FAM184B: variants seen among roughly 807,000 people sequenced by gnomAD.
FAM184B encodes protein FAM184B.
Under a neutral mutation model 135.9 loss-of-function variants are expected in FAM184B, and 111 were observed. The ratio of observed to expected loss-of-function variants is 0.82; its 90% confidence interval spans 0.70 to 0.96. The LOEUF (loss-of-function observed/expected upper bound fraction) is 0.96. Ranked by LOEUF, FAM184B falls within the 40% of genes least tolerant of loss-of-function variation. FAM184B has a pLI of 0.00. For synonymous variants in FAM184B, 552 were observed against 524.8 expected (o/e 1.05, Z -0.71); for missense variants, 1,375 against 1,323.9 (o/e 1.04, Z -0.60).
chr4:17,762,120 G>A lies in FAM184B; in HGVS notation c.141+19039C>T, dbSNP rs114961313. Among the ~76,000 whole-genome samples, 450 of 152,210 alleles carry A rather than the reference G, an allele frequency of 3.0e-3. 3 individuals are homozygous for A. The highest frequency in any genetic ancestry group is 0.01 in the African/African-American group (430 of 41,516). On this transcript the variant is annotated intron_variant, in intron 1 of 17. Coordinates refer to ENST00000265018, the MANE Select transcript of FAM184B (RefSeq NM_015688.2). ...GAGACCTCTTTCCATAAGAATCTTG[G>A]ACAGTGTCCTCCATACCGATGAATG...
intron 9 of FAM184B, 48 bp downstream of exon 9, chr4:17,659,910 G>C: frequency 2.6e-6 from 4 of 1,541,794 alleles, no homozygotes; most frequent in Non-Finnish European, 3.5e-6. Context: ...TAAAAAGGAG[G>C]GGGCAGGATC....
intron 8 of FAM184B, among the ~76,000 whole-genome samples, chr4:17,660,787 C>A (rs988852077): frequency 6.6e-6 from 1 of 151,918 alleles, no homozygotes; most frequent in Non-Finnish European, 1.5e-5. Context: ...TGTTTGACAG[C>A]GTGAAAGGAT....
chr4:17,636,488 C>A (rs751630669), intron 15 of FAM184B, 40 bp downstream of exon 15: 2 of 1,497,852 alleles, frequency 1.3e-6, no homozygotes, highest in African/African-American at 1.4e-5. Context: ...CCGCAGTGCC[C>A]GGCCAGGTGC....
In FAM184B at chr4:17,759,894, C is replaced by T. The variant is rs182104206; in HGVS notation, c.141+21265G>A. On this transcript the variant is annotated intron_variant, in intron 1 of 17. Coordinates refer to ENST00000265018, the MANE Select transcript of FAM184B (RefSeq NM_015688.2). ...CTATGTCATTTACTTCCCATATCTA[C>T]AGGCCAAGGTGGGTACCGGTTTCAA... is the stretch of plus-strand genomic sequence containing the variant. Among the ~76,000 whole-genome samples, 211 of 152,270 alleles carry T rather than the reference C, an allele frequency of 1.4e-3. 1 individual carries two copies. The highest frequency in any genetic ancestry group is 4.7e-3 in the African/African-American group (197 of 41,552).
chr4:17,676,690 T>A (rs988888308), intron 7 of FAM184B, among the ~76,000 whole-genome samples: 1 of 152,238 alleles, frequency 6.6e-6, no homozygotes, highest in African/African-American at 2.4e-5. Context: ...GAAAAATTCC[T>A]ATTGCCTAAT....
At chr4:17,636,294 C>G (rs1378955170) in intron 15 of FAM184B, among the ~76,000 whole-genome samples, 1 of 152,144 alleles carries the variant, frequency 6.6e-6, no homozygotes, top group Non-Finnish European at 1.5e-5. Context: ...TTAGTAGAGA[C>G]AGGGTTTCAA....
At chr4:17,633,407 C>A (rs1337147441) in intron 17 of FAM184B, 2 of 277,072 alleles carry the variant, frequency 7.2e-6, no homozygotes, top group Non-Finnish European at 1.3e-5. Context: ...ATTTTAAAGG[C>A]AAGGTATATG....
intron 3 of FAM184B, among the ~76,000 whole-genome samples, chr4:17,706,847 C>T (rs1165573145): frequency 6.6e-6 from 1 of 151,180 alleles, no homozygotes; most frequent in Non-Finnish European, 1.5e-5. Flanking sequence ...GTGCAATGGC[C>T]CAGTCTTGGC....
At chr4:17,748,721 T>C (rs1718232189) in intron 1 of FAM184B, among the ~76,000 whole-genome samples, 1 of 152,034 alleles carries the variant, frequency 6.6e-6, no homozygotes, top group Non-Finnish European at 1.5e-5. Flanking sequence ...CTTATTATAT[T>C]GCCCAGGCTT....
chr4:17,639,261 G>A lies in FAM184B; in HGVS notation c.2655C>T (p.Ala885=). 2 of 1,551,674 alleles carry A rather than the reference G, an allele frequency of 1.3e-6. No individual in the cohort carries two copies. The highest frequency in any genetic ancestry group is 1.2e-5 in the South Asian group (1 of 84,066). The change falls in exon 14 of 18, where the codon GCC becomes GCT. Residue 885 remains alanine, a synonymous_variant. Transcript: ENST00000265018. ...GAGGCCTCACTTACTCGGCTTCCAG[G>A]GCAGCCAGCCGGGCCTGGAGCTGGG... ...AQAQLQARLA[A]LEAELKDSGE... is the part of the protein sequence containing the mutation.
chr4:17,710,476 T>A (rs1717241418), intron 1 of FAM184B, among the ~76,000 whole-genome samples: 1 of 151,442 alleles, frequency 6.6e-6, no homozygotes, highest in Admixed American at 6.6e-5. Flanking sequence ...CAGAAAAAAA[T>A]ATTTGACAAA....
At chr4:17,652,757 A>G (rs1715659091) in intron 11 of FAM184B, 73 bp downstream of exon 11, 4 of 1,491,086 alleles carry the variant, frequency 2.7e-6, no homozygotes, top group Non-Finnish European at 3.6e-6. Context: ...CCTGGCCCTC[A>G]GCTTGTCTCT....
At position 17,715,805 on chromosome 4, in the gene FAM184B, A is replaced by C. The variant is rs149360706; in HGVS notation, c.142-6161T>G. ...TAAAAAAAAAGAGATTTCTTATTTT[A>C]ATTTTTGGCTGCTTCATGTGCCATT... is the stretch of plus-strand genomic sequence containing the variant. On this transcript the variant is annotated intron_variant, in intron 1 of 17. Transcript: ENST00000265018. 1.6e-3 allele frequency among the ~76,000 whole-genome samples: 250 copies of C among 152,280 alleles called. 1 individual carries two copies. The highest frequency in any genetic ancestry group is 2.8e-3 in the Non-Finnish European group (188 of 68,006).
At chr4:17,664,680 GAAA>G (rs34424676) in intron 7 of FAM184B, 21 bp from the exon 8 acceptor site, 81 of 1,075,848 alleles carry the variant, frequency 7.5e-5, no homozygotes, top group African/African-American at 3.2e-4. Flanking sequence ...AAAAGAAAAA[GAAA>G]AAAAAAAAAA....
intron 1 of FAM184B, among the ~76,000 whole-genome samples, chr4:17,766,598 C>G (rs1718697599): frequency 6.6e-6 from 1 of 151,396 alleles, no homozygotes; most frequent in Non-Finnish European, 1.5e-5. Flanking sequence ...TCCAAGTCCC[C>G]ACCAGATTAG....
chr4:17,647,703 A>G lies in FAM184B; in HGVS notation c.2280T>C (p.Ala760=). 6.4e-7 allele frequency: 1 copy of G among 1,551,046 alleles called. No individual in the cohort carries two copies. The highest frequency in any genetic ancestry group is 8.7e-7 in the Non-Finnish European group (1 of 1,146,982). Residue 760 remains alanine (A), a synonymous_variant, in exon 12 of 18, where the codon GCT becomes GCC. Coordinates refer to ENST00000265018, the MANE Select transcript of FAM184B (RefSeq NM_015688.2). ...DLEALQAELR[A]LGRQQASSQC... The stretch of plus-strand genomic sequence containing the variant: ...GGCTGCTGGCTTGCTGTCTGCCCAG[A>G]GCCCTCAGCTCGGCCTGCAGTGCCT...
chr4:17,643,603 AATGG>A (rs1450070285), intron 12 of FAM184B, among the ~76,000 whole-genome samples: 1 of 152,144 alleles, frequency 6.6e-6, no homozygotes, highest in African/African-American at 2.4e-5. Context: ...CTAAACACTT[AATGG>A]AACACGTTCT....
At chr4:17,663,766 C>T (rs1715979098) in intron 8 of FAM184B, among the ~76,000 whole-genome samples, 1 of 152,090 alleles carries the variant, frequency 6.6e-6, no homozygotes, top group Non-Finnish European at 1.5e-5. Flanking sequence ...GTTGTAATCC[C>T]CATAATCCCC....
chr4:17,761,172 G>T (rs889849145), intron 1 of FAM184B, among the ~76,000 whole-genome samples: 2 of 152,074 alleles, frequency 1.3e-5, no homozygotes, highest in Admixed American at 6.5e-5. Flanking sequence ...GCTCTGTTCT[G>T]CTCCTCAGCT....
Sources: allele counts gnomAD v4.1 joint callset (sites outside exome capture counted in the v4.1 genomes callset), GRCh38; gene constraint gnomAD v4.1.1; transcripts MANE v1.5; gene names NCBI Gene and HGNC (gene_info 2026-07-23, HGNC 2026-07-21).